Variants in B3GALT1 observed in about 807,000 individuals in gnomAD.
The protein encoded by B3GALT1 is beta-1,3-galactosyltransferase 1.
In B3GALT1, 10 loss-of-function variants were observed where a neutral mutation model predicts 23.2. The ratio of observed to expected loss-of-function variants is 0.43; its 90% CI spans 0.27 to 0.73. The LOEUF is 0.73. Ranked by LOEUF, B3GALT1 falls within the 30% of genes least tolerant of loss-of-function variation. B3GALT1 has a pLI of 0.21. For synonymous variants in B3GALT1, 156 were observed against 141.5 expected, an observed-to-expected ratio of 1.10 and a Z score of -0.73; for missense variants, 299 against 405.4, an observed-to-expected ratio of 0.74 and a Z score of 2.25.
At chr2:167,804,235 G>A (rs948248687) in intron 3 of B3GALT1, among the ~76,000 whole-genome samples, 2 of 151,934 alleles carry the variant, frequency 1.3e-5, no homozygotes, top group African/African-American at 2.4e-5. Context: ...AGTGATCTGC[G>A]AGCCTCGGCC....
chr2:167,471,983 A>G (rs185975519), intron 1 of B3GALT1, among the ~76,000 whole-genome samples: 4 of 152,194 alleles, frequency 2.6e-5, no homozygotes, highest in African/African-American at 9.6e-5. Flanking sequence ...ACAAAAGCTC[A>G]CATTTCTTAT....
chr2:167,542,320 T>G (rs963726193), intron 2 of B3GALT1, among the ~76,000 whole-genome samples: 2 of 152,136 alleles, frequency 1.3e-5, no homozygotes, highest in East Asian at 3.9e-4. Context: ...GCTTAAGTGA[T>G]TCTGCTATGA....
intron 3 of B3GALT1, among the ~76,000 whole-genome samples, chr2:167,668,411 G>C (rs1180544183): frequency 6.6e-6 from 1 of 152,178 alleles, no homozygotes; most frequent in African/African-American, 2.4e-5. Context: ...TTGTTTGTCT[G>C]TGCCCTGCCC....
chr2:167,317,049 G>A (rs144048105), intron 1 of B3GALT1, among the ~76,000 whole-genome samples: 13 of 152,178 alleles, frequency 8.5e-5, no homozygotes, highest in Admixed American at 2.6e-4. Flanking sequence ...TTCCTAAGCC[G>A]TTAAGGATTG....
At chr2:167,586,750 A>G (rs1366677812) in intron 2 of B3GALT1, among the ~76,000 whole-genome samples, 11 of 152,262 alleles carry the variant, frequency 7.2e-5, no homozygotes, top group Admixed American at 5.9e-4. Flanking sequence ...GTTAAGGAAC[A>G]TAGTGTTTCA....
chr2:167,591,999 T>G (rs1227618140), intron 2 of B3GALT1, among the ~76,000 whole-genome samples: 1 of 151,982 alleles, frequency 6.6e-6, no homozygotes, highest in East Asian at 1.9e-4. Context: ...GATTTGACAG[T>G]GGGTAAGGTG....
chr2:167,846,538 G>GACAA (rs777158381), intron 4 of B3GALT1, among the ~76,000 whole-genome samples: 1 of 152,106 alleles, frequency 6.6e-6, no homozygotes, highest in Non-Finnish European at 1.5e-5. Flanking sequence ...GTCTTTTTCA[G>GACAA]ACAAACAAAT....
intron 3 of B3GALT1, among the ~76,000 whole-genome samples, chr2:167,770,138 C>T (rs1688048075): frequency 6.6e-6 from 1 of 152,098 alleles, no homozygotes; most frequent in Non-Finnish European, 1.5e-5. Context: ...ACTGCGTCTC[C>T]CGCTGCCACC....
At chr2:167,478,277 C>T in intron 1 of B3GALT1, among the ~76,000 whole-genome samples, 1 of 152,174 alleles carries the variant, frequency 6.6e-6, no homozygotes, top group East Asian at 1.9e-4. Context: ...AACACCAACC[C>T]ACTTCACCTT....
At chr2:167,314,174 A>G (rs1180504464) in intron 1 of B3GALT1, among the ~76,000 whole-genome samples, 1 of 152,148 alleles carries the variant, frequency 6.6e-6, no homozygotes, top group East Asian at 1.9e-4. Context: ...ACAGGTTTCC[A>G]GACTTAAAAT....
intron 1 of B3GALT1, among the ~76,000 whole-genome samples, chr2:167,349,727 A>G (rs1407612824): frequency 6.6e-6 from 1 of 152,172 alleles, no homozygotes; most frequent in Non-Finnish European, 1.5e-5. Flanking sequence ...ATTAATGGCA[A>G]TCAGGTTCTC....
chr2:167,570,524 A>G (rs1389841445), intron 2 of B3GALT1, among the ~76,000 whole-genome samples: 4 of 151,876 alleles, frequency 2.6e-5, no homozygotes, highest in African/African-American at 9.7e-5. Context: ...CTTCTAAGCG[A>G]TTGTAGTGGG....
At chr2:167,544,099 G>T (rs1044064494) in intron 2 of B3GALT1, among the ~76,000 whole-genome samples, 3 of 152,144 alleles carry the variant, frequency 2.0e-5, no homozygotes, top group African/African-American at 7.2e-5. Flanking sequence ...ACCTTCCCCA[G>T]AATACATGCG....
intron 4 of B3GALT1, among the ~76,000 whole-genome samples, chr2:167,829,807 T>C (rs1221256563): frequency 6.6e-6 from 1 of 151,886 alleles, no homozygotes; most frequent in Non-Finnish European, 1.5e-5. Context: ...GCGCGGAGAA[T>C]GGGGTGGGAA....
chr2:167,699,380 A>ATTTTTTTTTTTTT (rs1169813738), intron 3 of B3GALT1, among the ~76,000 whole-genome samples: 104 of 100,132 alleles, frequency 1.0e-3, no homozygotes, highest in Non-Finnish European at 1.4e-3. Flanking sequence ...CATTATTTCT[A>ATTTTTTTTTTTTT]TTTTTTTTTT....
At chr2:167,518,806 T>C (rs573267661) in intron 2 of B3GALT1, among the ~76,000 whole-genome samples, 4 of 152,296 alleles carry the variant, frequency 2.6e-5, no homozygotes, top group South Asian at 4.1e-4. Flanking sequence ...ACTTTATCCT[T>C]ACCCCAGGAA....
chr2:167,584,586 C>G (rs747697566), intron 2 of B3GALT1, among the ~76,000 whole-genome samples: 11 of 152,154 alleles, frequency 7.2e-5, no homozygotes, highest in Non-Finnish European at 1.3e-4. Context: ...GGAGCTCAGT[C>G]CCCAAGACTG....
At position 167,869,206 on chromosome 2, in the gene B3GALT1, G is replaced by A; in HGVS notation, c.167G>A (p.Arg56Gln). The A allele has an allele frequency of 4.3e-6, 7 of 1,614,046 alleles. No individual in the cohort carries two copies. The highest frequency in any genetic ancestry group is 5.9e-6 in the Non-Finnish European group (7 of 1,180,002). ...KNFTFGNIRTRPINPHSFEFL... is the reference protein window; with the variant it reads ...KNFTFGNIRTQPINPHSFEFL... ...TTCACCTTTGGCAACATAAGAACTC[G>A]ACCTATCAACCCACATTCTTTTGAA... Residue 56 changes from arginine to glutamine, a missense_variant, in exon 5 of 5, where the codon CGA (arginine) becomes CAA (glutamine). Transcript: ENST00000392690. This position sits in a 1 kb window ranked among gnomAD's most constrained non-coding sequence, Gnocchi z 6.4.
intron 1 of B3GALT1, among the ~76,000 whole-genome samples, chr2:167,438,846 T>G (rs1404436115): frequency 6.6e-6 from 1 of 152,210 alleles, no homozygotes; most frequent in Non-Finnish European, 1.5e-5. Context: ...GTCTAGTGGA[T>G]TGATACTGGG....
Sources: allele counts gnomAD v4.1 joint callset (sites outside exome capture counted in the v4.1 genomes callset), GRCh38; gene constraint gnomAD v4.1.1; non-coding constraint Gnocchi (gnomAD v3.1); transcripts MANE v1.5; gene names NCBI Gene and HGNC (gene_info 2026-07-23, HGNC 2026-07-21).